The following CNTN5 variants were observed in gnomAD, a reference collection of about 807,000 sequenced individuals.
CNTN5 encodes the protein contactin 5, also known as contactin-5.
A neutral mutation model predicts 129.1 loss-of-function variants in CNTN5; 77 were observed. That is an observed-to-expected ratio of 0.60 (90% CI 0.50 to 0.72). The LOEUF (loss-of-function observed/expected upper bound fraction) is 0.72, where lower values mean the gene tolerates loss of function less well. Ranked by LOEUF, CNTN5 falls within the 30% of genes least tolerant of loss-of-function variation. The pLI is 0.00. For synonymous variants in CNTN5, 509 were observed against 465.6 expected, an observed-to-expected ratio of 1.09 and a Z score of -1.20; for missense variants, 1,478 against 1,328.8, an observed-to-expected ratio of 1.11 and a Z score of -1.75.
chr11:99,430,437 TTAAA>T (rs1191040445), intron 2 of CNTN5, among the ~76,000 whole-genome samples: 1 of 149,952 alleles, frequency 6.7e-6, no homozygotes, highest in African/African-American at 2.4e-5. Flanking sequence ...CATAAGAACT[TTAAA>T]TATATTTATA....
intron 2 of CNTN5, among the ~76,000 whole-genome samples, chr11:99,446,424 T>C (rs933808557): frequency 6.6e-6 from 1 of 152,218 alleles, no homozygotes; most frequent in African/African-American, 2.4e-5. Flanking sequence ...TAGTTCAGTA[T>C]CACCTCAGTT....
At chr11:100,052,303 C>A (rs999338745) in intron 9 of CNTN5, among the ~76,000 whole-genome samples, 1 of 151,654 alleles carries the variant, frequency 6.6e-6, no homozygotes, top group Non-Finnish European at 1.5e-5. Context: ...TTCCCCTTTC[C>A]TTTTATCACC....
chr11:100,055,673 G>T (rs1482646422), intron 9 of CNTN5, among the ~76,000 whole-genome samples: 1 of 151,444 alleles, frequency 6.6e-6, no homozygotes, highest in Non-Finnish European at 1.5e-5. Flanking sequence ...GCTAATCATT[G>T]TTATTTTGTA....
chr11:100,090,755 T>C (rs1944751533), intron 13 of CNTN5, among the ~76,000 whole-genome samples: 4 of 151,788 alleles, frequency 2.6e-5, no homozygotes, highest in Admixed American at 2.6e-4. Flanking sequence ...TTAATATCTA[T>C]CATTGATTTA....
At position 99,890,210 on chromosome 11, in the gene CNTN5, T is replaced by C. The variant is rs369044339; in HGVS notation, c.578-25844T>C. On this transcript the variant is annotated intron_variant, in intron 6 of 24. Transcript: ENST00000524871. ...CAGAAACAACAACAACATTCCACAG[T>C]GGTGGGATATGTCAACAGGAGCCAA... Among the ~76,000 whole-genome samples, 14 of 152,268 alleles carry C rather than the reference T, an allele frequency of 9.2e-5. No homozygotes were observed. In the East Asian group the frequency reaches 2.5e-3, roughly 27 times the overall value.
intron 23 of CNTN5, among the ~76,000 whole-genome samples, chr11:100,349,699 T>A (rs1952362029): frequency 2.0e-5 from 3 of 151,822 alleles, no homozygotes; most frequent in African/African-American, 7.3e-5. Context: ...TAATACCAAT[T>A]ATGAAAAAGC....
intron 16 of CNTN5, among the ~76,000 whole-genome samples, chr11:100,243,349 T>C (rs940045201): frequency 6.6e-6 from 1 of 152,174 alleles, no homozygotes; most frequent in Non-Finnish European, 1.5e-5. Context: ...AGTTGATACA[T>C]CAACCAGCTG....
chr11:99,701,443 G>A (rs1343408432), intron 3 of CNTN5, among the ~76,000 whole-genome samples: 2 of 151,162 alleles, frequency 1.3e-5, no homozygotes, highest in Non-Finnish European at 3.0e-5. Context: ...GAGTTCATTA[G>A]TTTTGGGATT....
At chr11:99,541,956 CAAAAAAAAAAAAAAAA>C (rs56363127) in intron 2 of CNTN5, among the ~76,000 whole-genome samples, 5 of 68,874 alleles carry the variant, frequency 7.3e-5, no homozygotes, top group African/African-American at 2.9e-4. Context: ...GATCTTGTCT[CAAAAAAAAAAAAAAAA>C]AAAAAAAGAA....
At chr11:99,149,361 G>A (rs909676742) in intron 1 of CNTN5, among the ~76,000 whole-genome samples, 1 of 151,846 alleles carries the variant, frequency 6.6e-6, no homozygotes, top group African/African-American at 2.4e-5. Flanking sequence ...AAAATGCAAG[G>A]GGTTCCAAAT....
intron 15 of CNTN5, among the ~76,000 whole-genome samples, chr11:100,220,671 G>T (rs1949244794): frequency 1.3e-5 from 2 of 152,082 alleles, no homozygotes; most frequent in Admixed American, 6.5e-5. Flanking sequence ...CTTACTATAT[G>T]CCAGACACAC....
intron 1 of CNTN5, among the ~76,000 whole-genome samples, chr11:99,274,514 A>G (rs1863331054): frequency 6.6e-6 from 1 of 151,638 alleles, no homozygotes. Flanking sequence ...AGTGTTTGAT[A>G]TATAATTAGT....
At chr11:99,910,533 T>A (rs1169602261) in intron 6 of CNTN5, among the ~76,000 whole-genome samples, 1 of 152,114 alleles carries the variant, frequency 6.6e-6, no homozygotes, top group African/African-American at 2.4e-5. Context: ...TTCCTAAAAT[T>A]AGTGTGGTTT....
intron 1 of CNTN5, among the ~76,000 whole-genome samples, chr11:99,051,505 AG>A (rs1393019059): frequency 6.6e-6 from 1 of 151,976 alleles, no homozygotes; most frequent in Non-Finnish European, 1.5e-5. Flanking sequence ...AAAATCACCA[AG>A]GGGACTTCCA....
chr11:99,695,579 T>A (rs1251168576), intron 3 of CNTN5, among the ~76,000 whole-genome samples: 1 of 151,972 alleles, frequency 6.6e-6, no homozygotes, highest in Non-Finnish European at 1.5e-5. Flanking sequence ...AAAGAGGCAC[T>A]GGATTATGGT....
intron 2 of CNTN5, among the ~76,000 whole-genome samples, chr11:99,372,817 T>C (rs182270910): frequency 2.8e-4 from 42 of 152,346 alleles, no homozygotes; most frequent in Non-Finnish European, 4.0e-4. Flanking sequence ...GCTTACGGCA[T>C]AAAGTTTTTA....
At chr11:99,502,421 G>T (rs962334787) in intron 2 of CNTN5, among the ~76,000 whole-genome samples, 2 of 152,062 alleles carry the variant, frequency 1.3e-5, no homozygotes, top group Admixed American at 6.6e-5. Context: ...CGGGGGTTGG[G>T]GGGGTGGTTT....
intron 13 of CNTN5, among the ~76,000 whole-genome samples, chr11:100,098,259 A>T (rs1341052130): frequency 6.6e-6 from 1 of 152,124 alleles, no homozygotes; most frequent in Non-Finnish European, 1.5e-5. Flanking sequence ...TGTAAAGCAA[A>T]TTCAATATTA....
chr11:100,288,521 A>C (rs1285412726), intron 18 of CNTN5, among the ~76,000 whole-genome samples: 1 of 152,194 alleles, frequency 6.6e-6, no homozygotes, highest in Non-Finnish European at 1.5e-5. Context: ...GGGTACACAA[A>C]GAAATGAAGG....
Sources: gnomAD v4.1 joint callset for allele counts (sites outside exome capture counted in the v4.1 genomes callset) on GRCh38, gnomAD v4.1.1 for gene constraint, MANE v1.5 for transcripts, NCBI Gene and HGNC (gene_info 2026-07-23, HGNC 2026-07-21) for gene names.